PSPC1: variants seen among roughly 807,000 people sequenced by gnomAD.
The protein encoded by PSPC1 is paraspeckle protein 1.
PSPC1 carries 14 observed loss-of-function variants against 51.6 expected under a neutral mutation model. That is an observed-to-expected ratio of 0.27 (90% CI 0.18 to 0.42). PSPC1 has a LOEUF of 0.42. Ranked by LOEUF, PSPC1 falls within the 10% of genes least tolerant of loss-of-function variation. PSPC1 has a pLI of 1.00. For missense variants in PSPC1, 406 were observed against 701.1 expected (o/e 0.58, Z 4.75); for synonymous variants, 193 against 231.9 (o/e 0.83, Z 1.53).
chr13:19,696,512 CACAT>C (rs1383500454), intron 6 of PSPC1, among the ~76,000 whole-genome samples: 6 of 148,988 alleles, frequency 4.0e-5, no homozygotes, highest in East Asian at 1.9e-4. Context: ...CACACACACA[CACAT>C]ACGCACACAC....
At position 19,782,723 on chromosome 13, in the gene PSPC1, A is replaced by C; in HGVS notation, c.35T>G (p.Ile12Ser). Residue 12 changes from isoleucine (I) to serine (S), a missense_variant, in exon 1 of 9, where the codon ATT becomes AGT. Physicochemically the swap from Ile to Ser is moderately radical, Grantham distance 142 (BLOSUM62 -2). Coordinates refer to ENST00000338910, the MANE Select transcript of PSPC1 (RefSeq NM_001354909.2). The surrounding 1 kb of genome is among the most constrained non-coding windows in gnomAD (Gnocchi z 4.5). Reference protein sequence around the residue: ...MLRGNLKQVRIEKNPARLRAL... With the variant: ...MLRGNLKQVRSEKNPARLRAL... ...GCGAAGGCGGGCCGGGTTTTTCTCAATGCGCACTTGCTTCAGGTTTCCTCT... is the reference window on the plus strand; with the variant it reads ...GCGAAGGCGGGCCGGGTTTTTCTCACTGCGCACTTGCTTCAGGTTTCCTCT... The C allele has an allele frequency of 6.4e-7, 1 of 1,568,590 alleles. No homozygotes were observed. Among genetic ancestry groups the C allele is most frequent in the Middle Eastern group, 1.8e-4 (1 of 5,644 alleles).
intron 2 of PSPC1, among the ~76,000 whole-genome samples, chr13:19,766,533 A>T (rs537268466): frequency 6.6e-6 from 1 of 152,228 alleles, no homozygotes; most frequent in East Asian, 1.9e-4. Context: ...AAAAGTAAAA[A>T]AATTAGCCAA....
Position 19,751,362 on chromosome 13 carries a change from C to T in PSPC1, c.876G>A (p.Gln292=), listed in dbSNP as rs757150837. 3.1e-6 allele frequency: 5 copies of T among 1,591,944 alleles called. No homozygotes were observed. Among genetic ancestry groups the T allele is most frequent in the Non-Finnish European group, 4.3e-6 (5 of 1,172,654 alleles). ...LDEMEKQQRE[Q]VDRNIREAKE... Reference sequence around the variant, plus strand: ...TGGCTTCTCTGATGTTTCTATCAACCTGCTCACGCTGCTGCTTTTCCATTT... The same window carrying T: ...TGGCTTCTCTGATGTTTCTATCAACTTGCTCACGCTGCTGCTTTTCCATTT... The change falls in exon 4 of 9, where the codon CAG becomes CAA. Residue 292 remains glutamine (Q), a synonymous_variant. Transcript: ENST00000338910.
intron 6 of PSPC1, among the ~76,000 whole-genome samples, chr13:19,692,726 C>T (rs891988243): frequency 6.6e-6 from 1 of 152,094 alleles, no homozygotes; most frequent in Non-Finnish European, 1.5e-5. Flanking sequence ...GTATCCTCAA[C>T]CCATCATTCA....
At chr13:19,740,065 C>T (rs1485476754) in intron 5 of PSPC1, among the ~76,000 whole-genome samples, 1 of 151,788 alleles carries the variant, frequency 6.6e-6, no homozygotes, top group Admixed American at 6.6e-5. Flanking sequence ...GAATTGGGGC[C>T]GGGCACGGTG....
chr13:19,685,874 G>A (rs994256771), intron 6 of PSPC1, among the ~76,000 whole-genome samples: 2 of 152,322 alleles, frequency 1.3e-5, no homozygotes, highest in South Asian at 4.1e-4. Context: ...GGGTTCCACA[G>A]ACAACCTCCC....
At chr13:19,717,750 AC>A (rs1593608349) in intron 6 of PSPC1, among the ~76,000 whole-genome samples, 2 of 148,822 alleles carry the variant, frequency 1.3e-5, no homozygotes, top group South Asian at 2.1e-4. Context: ...ATGGTGGTGC[AC>A]CCCTGTATCC....
At chr13:19,706,654 AAC>A (rs1472397952) in intron 7 of PSPC1, among the ~76,000 whole-genome samples, 1 of 152,164 alleles carries the variant, frequency 6.6e-6, no homozygotes, top group African/African-American at 2.4e-5. Flanking sequence ...TCTCAGATAC[AAC>A]ACATTTTTAG....
chr13:19,711,460 C>A (rs1198935670), intron 6 of PSPC1, among the ~76,000 whole-genome samples: 1 of 151,860 alleles, frequency 6.6e-6, no homozygotes, highest in Non-Finnish European at 1.5e-5. Context: ...CACGGTGAAA[C>A]CCCGTTTCTA....
chr13:19,741,898 AAGGC>A (rs1292066653), intron 4 of PSPC1, among the ~76,000 whole-genome samples: 2 of 151,994 alleles, frequency 1.3e-5, no homozygotes, highest in African/African-American at 2.4e-5. Context: ...TTGGGAGGCC[AAGGC>A]AGGCGTATCA....
chr13:19,778,610 T>A (rs1275427678), intron 1 of PSPC1, among the ~76,000 whole-genome samples: 1 of 125,394 alleles, frequency 8.0e-6, no homozygotes, highest in African/African-American at 2.9e-5. Flanking sequence ...TAACCGCGAG[T>A]GATCCGCCAA....
chr13:19,674,406 TACTC>T (rs148287151), downstream of PSPC1, among the ~76,000 whole-genome samples: 626 of 152,340 alleles, frequency 4.1e-3, 6 homozygotes, highest in African/African-American at 0.014. Flanking sequence ...TGGAGAATCT[TACTC>T]AGTAGAATGA....
chr13:19,686,951 C>G (rs1039355336), intron 6 of PSPC1, among the ~76,000 whole-genome samples: 2 of 152,176 alleles, frequency 1.3e-5, no homozygotes, highest in Non-Finnish European at 2.9e-5. Flanking sequence ...AATCCCTGCA[C>G]TTTGGGAGGC....
At chr13:19,730,408 T>A in intron 5 of PSPC1, 64 bp from the exon 6 acceptor site, 3 of 1,390,764 alleles carry the variant, frequency 2.2e-6, no homozygotes, top group Non-Finnish European at 3.1e-6. Flanking sequence ...GACATTTTAC[T>A]TCATGTAAAA....
chr13:19,726,209 G>A (rs1286123414), intron 6 of PSPC1, among the ~76,000 whole-genome samples: 1 of 151,926 alleles, frequency 6.6e-6, no homozygotes, highest in Non-Finnish European at 1.5e-5. Context: ...ACACCATGTT[G>A]AACCACATCA....
At chr13:19,680,941 G>A (rs1877200937) in intron 6 of PSPC1, among the ~76,000 whole-genome samples, 1 of 152,186 alleles carries the variant, frequency 6.6e-6, no homozygotes, top group South Asian at 2.1e-4. Flanking sequence ...TACAAGGCCG[G>A]GCACGGTGGC....
chr13:19,778,158 C>T (rs1283660035), intron 1 of PSPC1, among the ~76,000 whole-genome samples: 4 of 152,008 alleles, frequency 2.6e-5, no homozygotes, highest in Admixed American at 1.3e-4. Flanking sequence ...AGGAGAATCG[C>T]TTGAACCCAG....
In PSPC1 at chr13:19,724,701, A is replaced by C. The variant is rs192051960; in HGVS notation, c.1158+5538T>G. Reference sequence around the variant, plus strand: ...AACCCCATCTCTACCAAAAATACAAAAACTTTGCCGAGCGTGGGCCGGGCG... The same window carrying C: ...AACCCCATCTCTACCAAAAATACAACAACTTTGCCGAGCGTGGGCCGGGCG... On this transcript the variant is annotated intron_variant, in intron 6 of 8. Transcript: ENST00000338910. 4.6e-3 allele frequency among the ~76,000 whole-genome samples: 694 copies of C among 152,206 alleles called. 5 individuals are homozygous for C. Among genetic ancestry groups the C allele is most frequent in the South Asian group, 0.027 (128 of 4,828 alleles).
intron 6 of PSPC1, among the ~76,000 whole-genome samples, chr13:19,717,565 G>T (rs1882253535): frequency 6.6e-6 from 1 of 151,368 alleles, no homozygotes; most frequent in Non-Finnish European, 1.5e-5. Context: ...AATCAGCCAG[G>T]TGTGGTGGTG....
Sources: gnomAD v4.1 joint callset for allele counts (sites outside exome capture counted in the v4.1 genomes callset) on GRCh38, gnomAD v4.1.1 for gene constraint, Gnocchi (gnomAD v3.1) non-coding constraint, MANE v1.5 for transcripts, NCBI Gene and HGNC (gene_info 2026-07-23, HGNC 2026-07-21) for gene names.